Variants in DOCK10 observed in about 807,000 individuals in gnomAD.
The protein encoded by DOCK10 is dedicator of cytokinesis protein 10.
DOCK10 carries 145 observed loss-of-function variants against 280.1 expected under a neutral mutation model. The observed-to-expected ratio is 0.52, with a 90% CI of 0.45 to 0.59. The LOEUF is 0.59. Ranked by LOEUF, DOCK10 falls within the 20% of genes least tolerant of loss-of-function variation. DOCK10 has a pLI of 0.00. For synonymous variants in DOCK10, 915 were observed against 942.2 expected, an observed-to-expected ratio of 0.97 and a Z score of 0.53; for missense variants, 2,368 against 2,651.7, an observed-to-expected ratio of 0.89 and a Z score of 2.35.
chr2:224,908,525 A>G (rs11899665), intron 3 of DOCK10, among the ~76,000 whole-genome samples: 2,266 of 150,798 alleles, frequency 0.015, 53 homozygotes, highest in African/African-American at 0.053. Flanking sequence ...ACAGAGTCTC[A>G]CTCTGTTGCC....
chr2:224,843,231 A>G (rs1696093468), intron 22 of DOCK10, among the ~76,000 whole-genome samples: 1 of 152,108 alleles, frequency 6.6e-6, no homozygotes, highest in African/African-American at 2.4e-5. Context: ...TCTTGCGGGA[A>G]CTAGGTGGAT....
In DOCK10 at chr2:224,841,737, A is replaced by G; in HGVS notation, c.2661+67T>C. 7 of 1,073,570 alleles carry G rather than the reference A, an allele frequency of 6.5e-6. No homozygotes were observed. The South Asian group carries it at 9.7e-5, about 15-fold the overall frequency. 66.5% of individuals were successfully genotyped at this position (1,073,570 alleles called of 1,614,324 possible). On this transcript the variant is annotated intron_variant, in intron 23 of 55. Transcript: ENST00000258390. ...TCTCCCAGTTTGCCCATCGGTGGAA[A>G]ATGTAAAAGTCTCTTTTGCACATTT...
chr2:224,892,390 C>G (rs1394787886), intron 4 of DOCK10, among the ~76,000 whole-genome samples: 2 of 90,530 alleles, frequency 2.2e-5, no homozygotes, highest in Admixed American at 1.3e-4. Context: ...GAAGTGAGAC[C>G]CTGTCTCAAA....
chr2:224,907,977 A>T (rs956927611), intron 3 of DOCK10, among the ~76,000 whole-genome samples: 3 of 152,190 alleles, frequency 2.0e-5, no homozygotes, highest in African/African-American at 7.2e-5. Context: ...ACATTTTAGA[A>T]ATGTTTCATT....
At chr2:224,848,977 T>G (rs116012594) in intron 19 of DOCK10, among the ~76,000 whole-genome samples, 1 of 152,180 alleles carries the variant, frequency 6.6e-6, no homozygotes, top group East Asian at 1.9e-4. Flanking sequence ...ATTTAAATTT[T>G]AATTTTTTTA....
rs1478349139 is a variant in DOCK10, at chr2:225,042,217, C to G, written c.123+35G>C. On this transcript the variant is annotated intron_variant, in intron 1 of 55. Coordinates refer to ENST00000258390, the MANE Select transcript of DOCK10 (RefSeq NM_014689.3). The surrounding 1 kb of genome is among the most constrained non-coding windows in gnomAD (Gnocchi z 5.1). Reference sequence around the variant, plus strand: ...CTCCGTTCCCCCCGGGCGCCTGGGGCGCGCGGGAAGGCGCGGAGGACGCGC... The same window carrying G: ...CTCCGTTCCCCCCGGGCGCCTGGGGGGCGCGGGAAGGCGCGGAGGACGCGC... 7 of 1,237,612 alleles carry G rather than the reference C, an allele frequency of 5.7e-6. No individual in the cohort carries two copies. The highest frequency in any genetic ancestry group is 7.1e-6 in the Non-Finnish European group (7 of 991,648). 76.7% of individuals were successfully genotyped at this position (1,237,612 alleles called of 1,614,324 possible). A position where few individuals can be genotyped will look rare whatever the true frequency, so the allele number is the denominator to read the frequency against.
At chr2:224,915,648 T>C (rs1701266555) in intron 3 of DOCK10, among the ~76,000 whole-genome samples, 1 of 152,222 alleles carries the variant, frequency 6.6e-6, no homozygotes, top group Admixed American at 6.5e-5. Flanking sequence ...AATTCCTAGT[T>C]GGGACACACC....
intron 1 of DOCK10, among the ~76,000 whole-genome samples, chr2:224,946,491 CTG>C: frequency 6.6e-6 from 1 of 152,124 alleles, no homozygotes; most frequent in Non-Finnish European, 1.5e-5. Context: ...ATGTCATCAA[CTG>C]AGTCCTTAGG....
At chr2:224,800,935 TG>T (rs1692944555) in intron 40 of DOCK10, among the ~76,000 whole-genome samples, 2 of 152,064 alleles carry the variant, frequency 1.3e-5, no homozygotes, top group South Asian at 4.2e-4. Flanking sequence ...CAACTGAAAG[TG>T]GGGGAGAGGG....
intron 11 of DOCK10, among the ~76,000 whole-genome samples, chr2:224,867,289 A>G (rs1697990904): frequency 6.6e-6 from 1 of 152,194 alleles, no homozygotes; most frequent in Non-Finnish European, 1.5e-5. Flanking sequence ...CTGTTTACTT[A>G]CTTGTTCAAC....
chr2:224,766,956 T>C (rs1574775558), intron 55 of DOCK10, among the ~76,000 whole-genome samples: 1 of 152,224 alleles, frequency 6.6e-6, no homozygotes, highest in South Asian at 2.1e-4. Context: ...TTCCTTATAC[T>C]GAAGGTTCCT....
chr2:225,019,612 T>C (rs189254488), intron 1 of DOCK10, among the ~76,000 whole-genome samples: 1 of 152,246 alleles, frequency 6.6e-6, no homozygotes, highest in African/African-American at 2.4e-5. Flanking sequence ...TACTATTTTC[T>C]CTAAAATGCA....
chr2:224,895,152 A>G (rs1319064991), intron 4 of DOCK10, among the ~76,000 whole-genome samples: 1 of 152,228 alleles, frequency 6.6e-6, no homozygotes, highest in Non-Finnish European at 1.5e-5. Flanking sequence ...ATCCAAGATC[A>G]AATGTCACCT....
At chr2:224,953,015 G>A (rs1315200339) in intron 1 of DOCK10, among the ~76,000 whole-genome samples, 1 of 152,142 alleles carries the variant, frequency 6.6e-6, no homozygotes, top group African/African-American at 2.4e-5. Flanking sequence ...CATTGACAAT[G>A]CATTTGAATC....
chr2:224,829,633 C>G (rs116645221), intron 27 of DOCK10, among the ~76,000 whole-genome samples: 1 of 152,168 alleles, frequency 6.6e-6, no homozygotes, highest in Non-Finnish European at 1.5e-5. Context: ...TCCATTGTAA[C>G]TGTGAATGGC....
chr2:224,860,838 C>T (rs1697454154), intron 14 of DOCK10: 1 of 152,130 alleles, frequency 6.6e-6, no homozygotes, highest in Admixed American at 6.6e-5. Flanking sequence ...ACCTTGGCCT[C>T]CTAAAGTATT....
At chr2:224,873,594 C>CAAAAAAAAAA (rs35401247) in intron 11 of DOCK10, among the ~76,000 whole-genome samples, 1 of 33,662 alleles carries the variant, frequency 3.0e-5, no homozygotes, top group Non-Finnish European at 5.6e-5. Context: ...AAGACCATCT[C>CAAAAAAAAAA]AAAAAAAAAA....
chr2:224,767,482 T>A (rs1380813508), intron 55 of DOCK10, among the ~76,000 whole-genome samples: 1 of 152,214 alleles, frequency 6.6e-6, no homozygotes, highest in African/African-American at 2.4e-5. Flanking sequence ...TTTTTAAAAC[T>A]AACCCTGGGA....
chr2:224,870,944 A>G (rs1000631098), intron 11 of DOCK10, among the ~76,000 whole-genome samples: 2 of 147,690 alleles, frequency 1.4e-5, no homozygotes, highest in East Asian at 4.0e-4. Context: ...CTTCTGCCTC[A>G]GCCTCCTAAG....
Sources: gnomAD v4.1 joint callset for allele counts (sites outside exome capture counted in the v4.1 genomes callset) on GRCh38, gnomAD v4.1.1 for gene constraint, Gnocchi (gnomAD v3.1) non-coding constraint, MANE v1.5 for transcripts, NCBI Gene and HGNC (gene_info 2026-07-23, HGNC 2026-07-21) for gene names.